Variants in NUTM1 observed in about 807,000 individuals in gnomAD.
The protein encoded by NUTM1 is NUT midline carcinoma family member 1.
NUTM1 carries 39 observed loss-of-function variants against 88.7 expected under a neutral mutation model. The ratio of observed to expected loss-of-function variants is 0.44; its 90% CI spans 0.34 to 0.57. NUTM1 has a LOEUF of 0.57. NUTM1 is among the 20% of genes least tolerant of loss of function. The pLI, the probability that NUTM1 is intolerant of heterozygous loss-of-function variation, is 0.01. For synonymous variants in NUTM1, 494 were observed against 538.0 expected (o/e 0.92, Z 1.13); for missense variants, 1,350 against 1,414.5 (o/e 0.95, Z 0.73).
In NUTM1 at chr15:34,353,967, C is replaced by G. The variant is rs1360706007; in HGVS notation, c.1075+95C>G. 2.9e-6 allele frequency: 4 copies of G among 1,388,232 alleles called. No homozygotes were observed. The African/African-American group carries it at 5.7e-5, about 20-fold the overall frequency. The allele number at this position is 1,388,232 out of a possible 1,614,324, so 86.0% of individuals were successfully genotyped here. On this transcript the variant is annotated intron_variant, in intron 5 of 7. Coordinates refer to ENST00000537011, the MANE Select transcript of NUTM1 (RefSeq NM_001284292.2). ...CAGATTAGAGAAGGCATAGCCCAGG[C>G]TCTGCCACTTTCCCTCTGGAGAGTG...
chr15:34,345,186 C>A (rs1890564641), intron 1 of NUTM1, among the ~76,000 whole-genome samples: 1 of 152,166 alleles, frequency 6.6e-6, no homozygotes, highest in Non-Finnish European at 1.5e-5. Flanking sequence ...GAAGCTGTGG[C>A]TGTAGAGGAT....
rs1310796509 is a variant in NUTM1, at chr15:34,357,444, G to A, written c.3436G>A (p.Asp1146Asn). The A allele has an allele frequency of 6.2e-7, 1 of 1,613,262 alleles. No homozygotes were observed. Among genetic ancestry groups the A allele is most frequent in the Admixed American group, 1.7e-5 (1 of 59,696 alleles). The change falls in exon 8 of 8, where the codon GAC becomes AAC. Residue 1146 changes from aspartate to asparagine, a missense_variant. Coordinates refer to ENST00000537011, the MANE Select transcript of NUTM1 (RefSeq NM_001284292.2). ...RPSQPRKRRC[D>N]SFVTGRRKKR... is the part of the protein sequence containing the mutation. ...CTCACAGCCTCGTAAAAGGCGGTGT[G>A]ACAGTTTTGTCACGGGCAGAAGGAA...
intron 4 of NUTM1, among the ~76,000 whole-genome samples, chr15:34,351,391 A>AAG (rs1555394487): frequency 4.6e-5 from 7 of 151,452 alleles, no homozygotes; most frequent in African/African-American, 1.5e-4. Context: ...CAAAAAAAAA[A>AAG]AAAAGAAAAG....
At chr15:34,345,817 A>C in intron 1 of NUTM1, 125 bp from the exon 2 acceptor site, 37 of 1,246,844 alleles carry the variant, frequency 3.0e-5, no homozygotes, top group Non-Finnish European at 3.6e-5. Context: ...ATCTGTCCCC[A>C]CCCTCACCCC....
At chr15:34,347,473 G>T (rs1056049935) in intron 2 of NUTM1, among the ~76,000 whole-genome samples, 5 of 152,030 alleles carry the variant, frequency 3.3e-5, no homozygotes, top group Admixed American at 6.6e-5. Context: ...GCCCAGGCTG[G>T]TCTCAAACTC....
Position 34,356,061 on chromosome 15 carries a change from G to C in NUTM1, c.2053G>C (p.Gly685Arg). 1 of 1,614,062 alleles carries C rather than the reference G, an allele frequency of 6.2e-7. No individual in the cohort carries two copies. The highest frequency in any genetic ancestry group is 1.1e-5 in the South Asian group (1 of 91,082). The part of the protein sequence containing the change: ...QGQGLEKQVL[G>R]LQKGQQTGGR... ...ACAAGGGTTAGAAAAGCAAGTCCTG[G>C]GATTGCAGAAAGGACAACAAACAGG... Residue 685 changes from glycine to arginine, a missense_variant, in exon 8 of 8, where the codon GGA becomes CGA. Gly to Arg is a moderately radical substitution (Grantham distance 125). Transcript: ENST00000537011.
Position 34,357,719 on chromosome 15 carries a change from G to A in NUTM1, c.*228G>A. ...TATATAGAAAAAAAATGAATAAAGT[G>A]TTTTGTTGGAAAATGCTCTCAGAGT... is the stretch of plus-strand genomic sequence containing the variant. On this transcript the variant is annotated 3_prime_UTR_variant, in exon 8 of 8. Transcript: ENST00000537011. 1.3e-6 allele frequency: 1 copy of A among 755,346 alleles called. No individual in the cohort carries two copies. The highest frequency in any genetic ancestry group is 2.2e-6 in the Non-Finnish European group (1 of 452,114). The allele number at this position is 755,346 out of a possible 1,614,324, so 46.8% of individuals were successfully genotyped here. A position where few individuals can be genotyped will look rare whatever the true frequency, so the allele number is the denominator to read the frequency against.
chr15:34,357,318 G>C lies in NUTM1; in HGVS notation c.3310G>C (p.Ala1104Pro), dbSNP rs781262441. Residue 1104 changes from alanine (A) to proline (P), a missense_variant, in exon 8 of 8, where the codon GCT becomes CCT. Ala to Pro is a conservative substitution (Grantham distance 27). Around this residue, in one of 5 missense-constraint regions of NUTM1, gnomAD observed 730 missense variants for 728.8 expected, o/e 1.00. Coordinates refer to ENST00000537011, the MANE Select transcript of NUTM1 (RefSeq NM_001284292.2). ...PYPVAKSGKRALAGGPAPTEK... is the reference protein window; with the variant it reads ...PYPVAKSGKRPLAGGPAPTEK... ...TCCTGTTGCCAAGTCTGGGAAGCGA[G>C]CTCTAGCTGGAGGTCCAGCCCCTAC... is the stretch of plus-strand genomic sequence containing the variant. 1.2e-6 allele frequency: 2 copies of C among 1,614,132 alleles called. No homozygotes were observed. The highest frequency in any genetic ancestry group is 2.2e-5 in the South Asian group (2 of 91,080).
chr15:34,355,955 C>T lies in NUTM1; in HGVS notation c.1947C>T (p.Pro649=), dbSNP rs141659118. Residue 649 remains proline, a synonymous_variant, in exon 8 of 8, where the codon CCC becomes CCT. Coordinates refer to ENST00000537011, the MANE Select transcript of NUTM1 (RefSeq NM_001284292.2). The surrounding 1 kb of genome is among the most constrained non-coding windows in gnomAD (Gnocchi z 4.3). ...LVADRTSEAL[P]LCWQGGFQPE... ...CTGATAGGACTTCAGAGGCTCTGCC[C>T]CTTTGTTGGCAGGGAGGCTTCCAGC... The T allele has an allele frequency of 9.9e-6, 16 of 1,614,002 alleles. No individual in the cohort carries two copies. The East Asian group carries it at 1.6e-4, about 16-fold the overall frequency.
chr15:34,355,167 C>T lies in NUTM1; in HGVS notation c.1479+30C>T, dbSNP rs1357061428. The T allele has an allele frequency of 7.8e-6, 11 of 1,403,188 alleles. No individual in the cohort carries two copies. The Admixed American group carries it at 1.0e-4, about 13-fold the overall frequency. 86.9% of individuals were successfully genotyped at this position (1,403,188 alleles called of 1,614,324 possible). On this transcript the variant is annotated intron_variant, in intron 7 of 7. Coordinates refer to ENST00000537011, the MANE Select transcript of NUTM1 (RefSeq NM_001284292.2). The surrounding 1 kb of genome is among the most constrained non-coding windows in gnomAD (Gnocchi z 4.3). ...AACTGGGGTATAGGAAATATGAGAA[C>T]GAGAAGCTTGCAAGATTTTATCTAA... is the stretch of plus-strand genomic sequence containing the variant.
At chr15:34,346,148 C>A in intron 2 of NUTM1, 113 bp downstream of exon 2, 1 of 1,079,334 alleles carries the variant, frequency 9.3e-7, no homozygotes. Context: ...AAAGGTATCA[C>A]ACTTGGGGAG....
intron 2 of NUTM1, among the ~76,000 whole-genome samples, chr15:34,346,905 A>AAAAAAAAG (rs1566887569): frequency 6.7e-6 from 1 of 149,820 alleles, no homozygotes; most frequent in Non-Finnish European, 1.5e-5. Flanking sequence ...AAAAAAAAAA[A>AAAAAAAAG]AAGCAGCACT....
chr15:34,343,514 C>T lies in NUTM1; in HGVS notation c.-183C>T, dbSNP rs1325473964. On this transcript the variant is annotated 5_prime_UTR_variant, in exon 1 of 8. Coordinates refer to ENST00000537011, the MANE Select transcript of NUTM1 (RefSeq NM_001284292.2). ...GAAAGAAGAGGTTTTCTTCCCTCCC[C>T]TCTTTTACATCCAGTTCCCCTGCTC... 1 of 1,397,448 alleles carries T rather than the reference C, an allele frequency of 7.2e-7. No homozygotes were observed. Among genetic ancestry groups the T allele is most frequent in the African/African-American group, 1.4e-5 (1 of 69,580 alleles). The allele number at this position is 1,397,448 out of a possible 1,614,324, so 86.6% of individuals were successfully genotyped here.
At chr15:34,343,848 C>G in intron 1 of NUTM1, 146 bp downstream of exon 1, 1 of 676,178 alleles carries the variant, frequency 1.5e-6, no homozygotes, top group African/African-American at 1.8e-5. Context: ...CATCGTTACG[C>G]CATTATTTAC....
Position 34,354,018 on chromosome 15 carries a change from C to A in NUTM1, c.1075+146C>A, listed in dbSNP as rs1290260942. On this transcript the variant is annotated intron_variant, in intron 5 of 7. Transcript: ENST00000537011. ...GCATTTGATATTCCAAACAGACCAC[C>A]CCATAGGAGGCTGGGTTCTCAGGTT... is the stretch of plus-strand genomic sequence containing the variant. The A allele has an allele frequency of 3.4e-6, 3 of 887,304 alleles. No homozygotes were observed. The East Asian group carries it at 7.8e-5, about 23-fold the overall frequency. 55.0% of individuals were successfully genotyped at this position (887,304 alleles called of 1,614,324 possible). A position where few individuals can be genotyped will look rare whatever the true frequency, so the allele number is the denominator to read the frequency against.
chr15:34,344,266 A>T (rs1435411594), intron 1 of NUTM1, among the ~76,000 whole-genome samples: 1 of 151,416 alleles, frequency 6.6e-6, no homozygotes, highest in Non-Finnish European at 1.5e-5. Flanking sequence ...TAATCCCAGC[A>T]CTTTGGGAGG....
intron 4 of NUTM1, among the ~76,000 whole-genome samples, chr15:34,352,498 A>G (rs1033217088): frequency 3.3e-5 from 5 of 152,150 alleles, no homozygotes; most frequent in Middle Eastern, 3.4e-3. Context: ...TGGGTGAGAT[A>G]GGTACGGAAA....
chr15:34,349,005 G>T lies in NUTM1; in HGVS notation c.809+328G>T, dbSNP rs115002340. 9.1e-3 allele frequency among the ~76,000 whole-genome samples: 1,388 copies of T among 152,248 alleles called. 25 individuals carry two copies. The highest frequency in any genetic ancestry group is 0.032 in the African/African-American group (1,310 of 41,550). ...GGAACTTAGGTCTCTCACTCTAAGTGCCAGGGTCCTCCCCCCGTTCTATTT... is the reference window on the plus strand; with the variant it reads ...GGAACTTAGGTCTCTCACTCTAAGTTCCAGGGTCCTCCCCCCGTTCTATTT... On this transcript the variant is annotated intron_variant, in intron 3 of 7. Transcript: ENST00000537011.
At position 34,357,226 on chromosome 15, in the gene NUTM1, G is replaced by T; in HGVS notation, c.3218G>T (p.Gly1073Val). The T allele has an allele frequency of 6.2e-7, 1 of 1,614,142 alleles. No individual in the cohort carries two copies. Residue 1073 changes from glycine to valine, a missense_variant, in exon 8 of 8, where the codon GGT becomes GTT. Coordinates refer to ENST00000537011, the MANE Select transcript of NUTM1 (RefSeq NM_001284292.2). The stretch of plus-strand genomic sequence containing the variant: ...CTCAGTCCTCACCATGCCTCAGGAG[G>T]TCAGGGCAGCCAGAGAGCATCCCAC... ...HPLSPHHASGGQGSQRASHLL... is the reference protein window; with the variant it reads ...HPLSPHHASGVQGSQRASHLL...
Sources: allele counts gnomAD v4.1 joint callset (sites outside exome capture counted in the v4.1 genomes callset), GRCh38; gene constraint gnomAD v4.1.1; regional missense constraint gnomAD v4.1.1; non-coding constraint Gnocchi (gnomAD v3.1); transcripts MANE v1.5; gene names NCBI Gene and HGNC (gene_info 2026-07-23, HGNC 2026-07-21).